PCDH19: variants seen among roughly 807,000 people sequenced by gnomAD.
The protein encoded by PCDH19 is protocadherin-19.
PCDH19 carries 6 observed loss-of-function variants against 46.2 expected under a neutral mutation model. That is an observed-to-expected ratio of 0.13 (90% CI 0.07 to 0.26). PCDH19 has a LOEUF of 0.26. Among genes scored for constraint, PCDH19 ranks in the 10% least tolerant of loss-of-function variants. The probability of loss-of-function intolerance (pLI) is 1.00; values close to 1 mark genes in which losing one functional copy is unlikely to be tolerated. For missense variants in PCDH19, 740 were observed against 972.3 expected, an observed-to-expected ratio of 0.76 and a Z score of 3.18; for synonymous variants, 481 against 415.7, an observed-to-expected ratio of 1.16 and a Z score of -1.91.
chrX:100,395,244 T>A (rs1959355957), intron 3 of PCDH19, among the ~76,000 whole-genome samples: 1 of 112,200 alleles, frequency 8.9e-6, no homozygotes, highest in African/African-American at 3.2e-5. Flanking sequence ...ACAAAAGAAA[T>A]CAGTTAGGAG....
rs180799484 is a variant in PCDH19 at position 100,358,214 on chromosome X, T to G, written c.2617-7510A>C. ...GTTCCTGAACCCAATTTGATAGCGT[T>G]TCTGTGAGAAGACGAGGGTTCACCA... On this transcript the variant is annotated intron_variant, in intron 3 of 5. Coordinates refer to ENST00000373034, the MANE Select transcript of PCDH19 (RefSeq NM_001184880.2). Among the ~76,000 whole-genome samples, 18 of 111,943 alleles carry G rather than the reference T, an allele frequency of 1.6e-4. No homozygotes were observed. In the East Asian group the frequency reaches 5.1e-3, roughly 32 times the overall value.
intron 3 of PCDH19, among the ~76,000 whole-genome samples, chrX:100,400,611 T>C (rs1928149660): frequency 1.8e-5 from 2 of 112,587 alleles, no homozygotes; most frequent in Non-Finnish European, 3.7e-5. Flanking sequence ...TTAATAATTA[T>C]AACTGAGTTT....
chrX:100,360,695 A>G (rs988852349), intron 3 of PCDH19, among the ~76,000 whole-genome samples: 1 of 112,143 alleles, frequency 8.9e-6, no homozygotes, highest in Non-Finnish European at 1.9e-5. Context: ...TTATGACTGT[A>G]GTAAATAAAG....
chrX:100,340,267 A>C (rs1233614274), intron 5 of PCDH19, among the ~76,000 whole-genome samples: 2 of 112,310 alleles, frequency 1.8e-5, no homozygotes, highest in Admixed American at 1.9e-4. Context: ...CTCTCAGAAA[A>C]AACTAGCTGC....
intron 3 of PCDH19, among the ~76,000 whole-genome samples, chrX:100,400,020 C>T (rs1164505466): frequency 9.0e-6 from 1 of 111,402 alleles, no homozygotes; most frequent in Non-Finnish European, 1.9e-5. Context: ...TCATAGACAC[C>T]AGAACTCACA....
chrX:100,333,417 G>A (rs764424423), intron 5 of PCDH19, among the ~76,000 whole-genome samples: 1 of 111,173 alleles, frequency 9.0e-6, no homozygotes, highest in Non-Finnish European at 1.9e-5. Flanking sequence ...CTATGTTGGG[G>A]CCTGGCTTCC....
intron 1 of PCDH19, among the ~76,000 whole-genome samples, chrX:100,406,158 A>G (rs1256428202): frequency 9.0e-6 from 1 of 111,102 alleles, no homozygotes; most frequent in Non-Finnish European, 1.9e-5. Flanking sequence ...TGTTTTTCCT[A>G]CCATAACTTC....
Position 100,316,640 on chromosome X carries a change from G to T in PCDH19, c.2849-19765C>A, listed in dbSNP as rs186609259. On this transcript the variant is annotated intron_variant, in intron 5 of 5. Transcript: ENST00000373034. ...AACACTGTACATAATTGTGGGTGGA[G>T]GAACAAGGACAAAGGAATTGGATGA... is the stretch of plus-strand genomic sequence containing the variant. 1.1e-3 allele frequency among the ~76,000 whole-genome samples: 121 copies of T among 112,005 alleles called. 1 individual carries two copies. Among genetic ancestry groups the T allele is most frequent in the Non-Finnish European group, 1.9e-3 (99 of 53,194 alleles).
intron 3 of PCDH19, among the ~76,000 whole-genome samples, chrX:100,355,595 C>A (rs1384892705): frequency 9.0e-6 from 1 of 111,679 alleles, no homozygotes; most frequent in Non-Finnish European, 1.9e-5. Flanking sequence ...GCATAGACAG[C>A]TGAGATGTTG....
chrX:100,337,900 A>T (rs1340074021), intron 5 of PCDH19, among the ~76,000 whole-genome samples: 1 of 112,271 alleles, frequency 8.9e-6, no homozygotes, highest in Non-Finnish European at 1.9e-5. Flanking sequence ...TTGAAGCATC[A>T]CATTGTACCC....
At chrX:100,397,050 T>C (rs1352115199) in intron 3 of PCDH19, among the ~76,000 whole-genome samples, 1 of 112,023 alleles carries the variant, frequency 8.9e-6, no homozygotes, top group Non-Finnish European at 1.9e-5. Context: ...CTTTGTGTCA[T>C]TTCCATGCTA....
intron 5 of PCDH19, among the ~76,000 whole-genome samples, chrX:100,338,980 G>A (rs1419493099): frequency 1.8e-5 from 2 of 111,987 alleles, no homozygotes; most frequent in African/African-American, 6.5e-5. Context: ...GAAATATGCA[G>A]TACTAATATC....
intron 3 of PCDH19, among the ~76,000 whole-genome samples, chrX:100,396,097 C>T (rs1235716420): frequency 9.0e-6 from 1 of 111,563 alleles, no homozygotes; most frequent in African/African-American, 3.3e-5. Context: ...ATCTGAGACA[C>T]TCGATTCAAC....
intron 3 of PCDH19, among the ~76,000 whole-genome samples, chrX:100,367,250 G>A (rs1047521890): frequency 8.9e-6 from 1 of 111,911 alleles, no homozygotes; most frequent in African/African-American, 3.2e-5. Flanking sequence ...CATGGGAGAC[G>A]CTAGGGATCT....
At chrX:100,358,185 T>C (rs1327044409) in intron 3 of PCDH19, among the ~76,000 whole-genome samples, 1 of 112,021 alleles carries the variant, frequency 8.9e-6, no homozygotes, top group Non-Finnish European at 1.9e-5. Context: ...CAACATATGA[T>C]AGTGTTCCTG....
In PCDH19 at chrX:100,339,582, G is replaced by T. The variant is rs180855169; in HGVS notation, c.2848+2321C>A. Among the ~76,000 whole-genome samples the T allele has an allele frequency of 2.1e-3, 240 of 112,364 alleles. 1 individual carries two copies. Among genetic ancestry groups the T allele is most frequent in the African/African-American group, 7.3e-3 (226 of 30,957 alleles). ...TGAAATGTTAATTGTTGGAATTGTT[G>T]CTCTTTTTTGAGGTTGCAGTATCAG... On this transcript the variant is annotated intron_variant, in intron 5 of 5. Transcript: ENST00000373034.
intron 3 of PCDH19, among the ~76,000 whole-genome samples, chrX:100,368,089 G>A (rs1310249797): frequency 4.5e-5 from 5 of 112,015 alleles, no homozygotes; most frequent in Non-Finnish European, 7.5e-5. Flanking sequence ...AAGTTTGGAA[G>A]ATGAGTTACA....
intron 3 of PCDH19, among the ~76,000 whole-genome samples, chrX:100,387,218 G>C (rs766026992): frequency 8.9e-6 from 1 of 111,936 alleles, no homozygotes; most frequent in African/African-American, 3.2e-5. Context: ...GTTGGCTTTT[G>C]TATTTATGCT....
chrX:100,344,224 A>G (rs1023509453), intron 4 of PCDH19, among the ~76,000 whole-genome samples: 1 of 112,177 alleles, frequency 8.9e-6, no homozygotes, highest in African/African-American at 3.2e-5. Flanking sequence ...CCTTCAATTT[A>G]TGTCACACAG....
Sources: gnomAD v4.1 joint callset for allele counts (sites outside exome capture counted in the v4.1 genomes callset) on GRCh38, gnomAD v4.1.1 for gene constraint, MANE v1.5 for transcripts, NCBI Gene and HGNC (gene_info 2026-07-23, HGNC 2026-07-21) for gene names.